The following PDE3A variants were observed in gnomAD, a reference collection of about 807,000 sequenced individuals.
PDE3A encodes the protein phosphodiesterase 3A.
A neutral mutation model predicts 98.3 loss-of-function variants in PDE3A; 43 were observed. The observed-to-expected ratio is 0.44, with a 90% CI of 0.34 to 0.56. The LOEUF (loss-of-function observed/expected upper bound fraction) is 0.56. Among genes scored for constraint, PDE3A ranks in the 20% least tolerant of loss-of-function variants. The pLI is 0.01. For synonymous variants in PDE3A, 663 were observed against 567.9 expected, an observed-to-expected ratio of 1.17 and a Z score of -2.38; for missense variants, 1,427 against 1,440.7, an observed-to-expected ratio of 0.99 and a Z score of 0.15.
chr12:20,531,413 T>C (rs555230969), intron 1 of PDE3A, among the ~76,000 whole-genome samples: 33 of 152,170 alleles, frequency 2.2e-4, no homozygotes, highest in Non-Finnish European at 4.6e-4. Flanking sequence ...ATTTACAAAA[T>C]GTATAGTTGA....
rs1945862657 is a variant in PDE3A, at chr12:20,683,710, G to C, written c.*3439G>C. Reference sequence around the variant, plus strand: ...GATGAAGACAGTAGCTCTGTACAGGGATATATCTATATTAGTCTTCATCTG... The same window carrying C: ...GATGAAGACAGTAGCTCTGTACAGGCATATATCTATATTAGTCTTCATCTG... On this transcript the variant is annotated 3_prime_UTR_variant, in exon 16 of 16. Coordinates refer to ENST00000359062, the MANE Select transcript of PDE3A (RefSeq NM_000921.5). 1 of 152,028 alleles carries C rather than the reference G, an allele frequency of 6.6e-6. No individual in the cohort carries two copies. The highest frequency in any genetic ancestry group is 1.5e-5 in the Non-Finnish European group (1 of 67,978). The allele number at this position is 152,028 out of a possible 1,614,324, so 9.4% of individuals were successfully genotyped here. A position where few individuals can be genotyped will look rare whatever the true frequency, so the allele number is the denominator to read the frequency against.
intron 2 of PDE3A, among the ~76,000 whole-genome samples, chr12:20,560,984 CA>C (rs1290319917): frequency 2.0e-5 from 3 of 151,852 alleles, no homozygotes; most frequent in Non-Finnish European, 4.4e-5. Flanking sequence ...AAGTAGAGGC[CA>C]GGGGCAGTGG....
At chr12:20,449,679 C>A in intron 1 of PDE3A, 2 of 437,220 alleles carry the variant, frequency 4.6e-6, no homozygotes, top group Non-Finnish European at 8.4e-6. Flanking sequence ...CTGTAAACTT[C>A]AGCATTCTTA....
At chr12:20,635,385 A>G (rs779203825) in intron 8 of PDE3A, among the ~76,000 whole-genome samples, 6 of 152,194 alleles carry the variant, frequency 3.9e-5, no homozygotes, top group Non-Finnish European at 7.3e-5. Context: ...CCTGACCAAC[A>G]TGGTGAAACC....
chr12:20,531,073 G>A (rs949553223), intron 1 of PDE3A, among the ~76,000 whole-genome samples: 6 of 152,074 alleles, frequency 3.9e-5, no homozygotes, highest in African/African-American at 7.2e-5. Flanking sequence ...CCCCTATCAG[G>A]ACATAGTTAT....
chr12:20,369,337 G>T lies in PDE3A; in HGVS notation c.53G>T (p.Gly18Val). Residue 18 changes from glycine to valine, a missense_variant, in exon 1 of 16, where the codon GGG becomes GTG. By Grantham distance (109) the Gly-to-Val change is moderately radical. Coordinates refer to ENST00000359062, the MANE Select transcript of PDE3A (RefSeq NM_000921.5). ...ARVRDKPVHS[G>V]VSQAPTAGRD... ...GTCAGGGACAAGCCCGTCCACAGTG[G>T]GGTGAGTCAAGCCCCCACGGCGGGC... 1 of 1,548,366 alleles carries T rather than the reference G, an allele frequency of 6.5e-7. No individual in the cohort carries two copies. Among genetic ancestry groups the T allele is most frequent in the Middle Eastern group, 1.8e-4 (1 of 5,592 alleles).
At chr12:20,596,494 TAACC>T (rs1943469462) in intron 2 of PDE3A, among the ~76,000 whole-genome samples, 1 of 152,162 alleles carries the variant, frequency 6.6e-6, no homozygotes, top group Admixed American at 6.5e-5. Context: ...CTGAAGTGAT[TAACC>T]CAGACTTGTA....
rs1490477150 is a variant in PDE3A, at chr12:20,368,922, T to C, written c.-363T>C. On this transcript the variant is annotated 5_prime_UTR_variant, in exon 1 of 16. It removes the in-frame stop codon of an upstream open reading frame in the 5' UTR. Transcript: ENST00000359062. Reference sequence around the variant, plus strand: ...ATGCATTGGGCAATTTTTGAAATCCTGAAGTAGGAAGAGACCCCGGAGGAT... The same window carrying C: ...ATGCATTGGGCAATTTTTGAAATCCCGAAGTAGGAAGAGACCCCGGAGGAT... 6.6e-6 allele frequency among the ~76,000 whole-genome samples: 1 copy of C among 151,542 alleles called. No individual in the cohort carries two copies. The highest frequency in any genetic ancestry group is 1.5e-5 in the Non-Finnish European group (1 of 67,888).
intron 1 of PDE3A, among the ~76,000 whole-genome samples, chr12:20,439,712 T>C (rs1730186960): frequency 6.6e-6 from 1 of 152,222 alleles, no homozygotes; most frequent in Admixed American, 6.5e-5. Flanking sequence ...GTTTGCAAAG[T>C]ACAAGTTTAT....
intron 2 of PDE3A, among the ~76,000 whole-genome samples, chr12:20,598,521 G>T (rs1328259875): frequency 6.6e-6 from 1 of 152,092 alleles, no homozygotes; most frequent in African/African-American, 2.4e-5. Context: ...TTAATGTTGT[G>T]TTAAAAAATT....
rs913834126 is a variant in PDE3A, at chr12:20,682,577, T to G, written c.*2306T>G. ...ATTAAAATATATTTCAGTATATTTC[T>G]GAATTAACACCAGGTCTTCATTATT... On this transcript the variant is annotated 3_prime_UTR_variant, in exon 16 of 16. Coordinates refer to ENST00000359062, the MANE Select transcript of PDE3A (RefSeq NM_000921.5). 4 of 152,238 alleles carry G rather than the reference T, an allele frequency of 2.6e-5. No homozygotes were observed. The highest frequency in any genetic ancestry group is 2.0e-4 in the Admixed American group (3 of 15,288). The allele number at this position is 152,238 out of a possible 1,614,324, so 9.4% of individuals were successfully genotyped here. A position where few individuals can be genotyped will look rare whatever the true frequency, so the allele number is the denominator to read the frequency against.
At chr12:20,387,355 T>C (rs888242254) in intron 1 of PDE3A, among the ~76,000 whole-genome samples, 2 of 152,108 alleles carry the variant, frequency 1.3e-5, no homozygotes, top group African/African-American at 2.4e-5. Context: ...ATCTATAAAT[T>C]ACTTTGGGCA....
At chr12:20,564,855 A>G (rs1942615590) in intron 2 of PDE3A, among the ~76,000 whole-genome samples, 1 of 152,128 alleles carries the variant, frequency 6.6e-6, no homozygotes, top group Non-Finnish European at 1.5e-5. Context: ...CATCATTTCC[A>G]TGACATGGGC....
Position 20,518,669 on chromosome 12 carries a change from T to TC in PDE3A, c.961-37986dup, listed in dbSNP as rs558389408. Among the ~76,000 whole-genome samples the TC allele has an allele frequency of 3.9e-5, 6 of 152,166 alleles. No homozygotes were observed. The South Asian group carries it at 1.2e-3, about 31-fold the overall frequency. ...AAGTGTTTGTTCTTCCATCTTTTTT[T>TC]CCCCCTTTTGCATGTAAAAGAGAAT... On this transcript the variant is annotated intron_variant, in intron 1 of 15. Coordinates refer to ENST00000359062, the MANE Select transcript of PDE3A (RefSeq NM_000921.5).
chr12:20,562,230 T>C (rs1360533224), intron 2 of PDE3A, among the ~76,000 whole-genome samples: 1 of 150,670 alleles, frequency 6.6e-6, no homozygotes, highest in Non-Finnish European at 1.5e-5. Context: ...TTTTTTTTTT[T>C]TTTTTTTTGG....
chr12:20,630,975 A>G (rs1380130514), intron 6 of PDE3A, among the ~76,000 whole-genome samples: 1 of 152,104 alleles, frequency 6.6e-6, no homozygotes, highest in African/African-American at 2.4e-5. Context: ...TACCTCATAG[A>G]CTCAGATTTT....
intron 1 of PDE3A, among the ~76,000 whole-genome samples, chr12:20,514,462 T>A (rs1946280991): frequency 6.6e-6 from 1 of 152,214 alleles, no homozygotes. Context: ...TAACATTTGA[T>A]GTGAAAATAT....
chr12:20,384,966 A>G (rs988037071), intron 1 of PDE3A, among the ~76,000 whole-genome samples: 4 of 152,022 alleles, frequency 2.6e-5, no homozygotes, highest in Non-Finnish European at 4.4e-5. Context: ...TGTCTTTGCT[A>G]TTGTGAATAG....
intron 1 of PDE3A, among the ~76,000 whole-genome samples, chr12:20,405,256 C>A (rs984822449): frequency 6.6e-6 from 1 of 152,110 alleles, no homozygotes; most frequent in African/African-American, 2.4e-5. Context: ...ATAACCCAGG[C>A]CTCTTATGGT....
Sources: allele counts gnomAD v4.1 joint callset (sites outside exome capture counted in the v4.1 genomes callset), GRCh38; gene constraint gnomAD v4.1.1; transcripts MANE v1.5; gene names NCBI Gene and HGNC (gene_info 2026-07-23, HGNC 2026-07-21).